ATP11C: variants seen among roughly 807,000 people sequenced by gnomAD.
ATP11C encodes the protein ATPase phospholipid transporting 11C (ATP11C blood group).
Under a neutral mutation model 97.4 loss-of-function variants are expected in ATP11C, and 36 were observed. The observed-to-expected ratio is 0.37, with a 90% CI of 0.28 to 0.49. The LOEUF is 0.49. Among genes scored for constraint, ATP11C ranks in the 20% least tolerant of loss-of-function variants. ATP11C has a pLI of 0.98. For missense variants in ATP11C, 730 were observed against 824.6 expected, an observed-to-expected ratio of 0.89 and a Z score of 1.40; for synonymous variants, 275 against 290.9, an observed-to-expected ratio of 0.95 and a Z score of 0.56.
intron 1 of ATP11C, among the ~76,000 whole-genome samples, chrX:139,851,059 G>A (rs2083981849): frequency 8.9e-6 from 1 of 111,995 alleles, no homozygotes; most frequent in Admixed American, 9.4e-5. Context: ...ACTAACAAAA[G>A]GAATCACCAA....
chrX:139,740,423 C>A (rs1485968952), intron 27 of ATP11C, among the ~76,000 whole-genome samples: 2 of 111,307 alleles, frequency 1.8e-5, no homozygotes, highest in South Asian at 7.5e-4. Flanking sequence ...CCAAGATGAA[C>A]TAAATGAACT....
chrX:139,880,113 C>T (rs1363758914), intron 1 of ATP11C, among the ~76,000 whole-genome samples: 1 of 110,478 alleles, frequency 9.1e-6, no homozygotes, highest in Non-Finnish European at 1.9e-5. Flanking sequence ...ATAGGCCATC[C>T]AGGGCAGAGA....
chrX:139,736,412 G>C (rs1485997624), intron 28 of ATP11C, among the ~76,000 whole-genome samples: 2 of 111,558 alleles, frequency 1.8e-5, no homozygotes, highest in Non-Finnish European at 1.9e-5. Flanking sequence ...TCAAATAAGA[G>C]ACACATTTAG....
chrX:139,787,135 G>C, intron 15 of ATP11C, 38 bp downstream of exon 15: 1 of 1,204,895 alleles, frequency 8.3e-7, no homozygotes, highest in African/African-American at 1.7e-5. Flanking sequence ...TGACTATGGG[G>C]TTAAGAAATG....
chrX:139,740,967 G>T, intron 27 of ATP11C, 24 bp downstream of exon 27: 1 of 989,314 alleles, frequency 1.0e-6, no homozygotes, highest in Non-Finnish European at 1.4e-6. Context: ...TTTACATATT[G>T]CTCACACATG....
intron 1 of ATP11C, among the ~76,000 whole-genome samples, chrX:139,837,306 G>A (rs2083764532): frequency 8.9e-6 from 1 of 112,020 alleles, no homozygotes; most frequent in Non-Finnish European, 1.9e-5. Flanking sequence ...ATTAAAAAAT[G>A]CCTAGGAAGC....
At chrX:139,935,577 C>A (rs1346298215), upstream of ATP11C, among the ~76,000 whole-genome samples, 1 of 110,061 alleles carries the variant, frequency 9.1e-6, no homozygotes, top group African/African-American at 3.3e-5. Flanking sequence ...ATCCCCACCC[C>A]CCAAAAAAGA....
intron 1 of ATP11C, among the ~76,000 whole-genome samples, chrX:139,859,215 G>C (rs1270357448): frequency 5.4e-5 from 6 of 111,738 alleles, no homozygotes; most frequent in Admixed American, 9.5e-5. Context: ...ATAGGCAGGA[G>C]GGATGGCTCT....
chrX:139,757,714 C>T, intron 23 of ATP11C, 94 bp downstream of exon 23: 1 of 576,257 alleles, frequency 1.7e-6, no homozygotes, highest in Admixed American at 4.3e-5. Flanking sequence ...TTACTTTGTA[C>T]ATACATCTCT....
rs927137966 is a variant in ATP11C, at chrX:139,922,198, G to GTC, written c.27+9816_27+9817dup. 1.5e-4 allele frequency among the ~76,000 whole-genome samples: 12 copies of GTC among 79,665 alleles called. 1 individual carries two copies. The highest frequency in any genetic ancestry group is 3.9e-4 in the East Asian group (1 of 2,589). The allele number at this position is 79,665 out of a possible 115,157, so 69.2% of individuals were successfully genotyped here. ...CCAGCCTGGGCAACAGAGCAAGACTGTCTCTCTCTCTCTCTCCTTCTCTAA... is the reference window on the plus strand; with the variant it reads ...CCAGCCTGGGCAACAGAGCAAGACTGTCTCTCTCTCTCTCTCTCCTTCTCTAA... On this transcript the variant is annotated intron_variant, in intron 1 of 29. Transcript: ENST00000682941.
chrX:139,762,027 C>G lies in ATP11C; in HGVS notation c.2574G>C (p.Leu858=). 1 of 1,205,944 alleles carries G rather than the reference C, an allele frequency of 8.3e-7. No individual in the cohort carries two copies. Among genetic ancestry groups the G allele is most frequent in the Non-Finnish European group, 1.1e-6 (1 of 890,505 alleles). ...AATATAGATGTCCATGAGCCAACAG[C>G]AGTTTCTTTAAGTGTTTAAACTTTG... ...SVPKFKHLKK[L]LLAHGHLYYV... is the part of the protein sequence containing the mutation. Residue 858 remains leucine (L), a synonymous_variant, in exon 22 of 30, where the codon CTG becomes CTC. Coordinates refer to ENST00000682941, the MANE Select transcript of ATP11C (RefSeq NM_001353812.2).
At chrX:139,736,319 A>G (rs1012431825) in intron 28 of ATP11C, among the ~76,000 whole-genome samples, 1 of 111,787 alleles carries the variant, frequency 8.9e-6, no homozygotes, top group Non-Finnish European at 1.9e-5. Context: ...ACATGTTTGA[A>G]AGTTTTGTTT....
At chrX:139,862,004 TAC>T (rs2084207757) in intron 1 of ATP11C, among the ~76,000 whole-genome samples, 1 of 111,969 alleles carries the variant, frequency 8.9e-6, no homozygotes, top group Non-Finnish European at 1.9e-5. Context: ...GAAGGAATGC[TAC>T]ACAGAGTAGC....
intron 15 of ATP11C, 145 bp downstream of exon 15, chrX:139,787,028 C>T: frequency 2.3e-6 from 2 of 853,324 alleles, no homozygotes; most frequent in South Asian, 5.3e-5. Context: ...GCTTCTACCC[C>T]AACTATATTT....
Position 139,796,432 on chromosome X carries a change from A to G in ATP11C, c.1047T>C (p.Val349=). 3 of 1,202,142 alleles carry G rather than the reference A, an allele frequency of 2.5e-6. No individual in the cohort carries two copies. Among genetic ancestry groups the G allele is most frequent in the Admixed American group, 4.4e-5 (2 of 45,535 alleles). Reference sequence around the variant, plus strand: ...AGACAGGAATGATAAAGTTGAATAGAACCATAAATGATAGGAAGTCGGTGA... The same window carrying G: ...AGACAGGAATGATAAAGTTGAATAGGACCATAAATGATAGGAAGTCGGTGA... The part of the protein sequence containing the change: ...KMFTDFLSFM[V]LFNFIIPVSM... Residue 349 remains valine, a synonymous_variant, in exon 12 of 30, where the codon GTT becomes GTC. Transcript: ENST00000682941.
At chrX:139,809,318 T>C (rs1373631807) in intron 5 of ATP11C, among the ~76,000 whole-genome samples, 1 of 111,807 alleles carries the variant, frequency 8.9e-6, no homozygotes, top group Non-Finnish European at 1.9e-5. Flanking sequence ...ATACATAAAT[T>C]GGAATATTAT....
At chrX:139,761,905 A>C (rs1425853124) in intron 22 of ATP11C, 56 bp downstream of exon 22, 2 of 910,273 alleles carry the variant, frequency 2.2e-6, no homozygotes, top group African/African-American at 4.0e-5. Flanking sequence ...ACCATGACCA[A>C]GCTGAGCCAA....
At chrX:139,843,492 T>C (rs2083864705) in intron 1 of ATP11C, among the ~76,000 whole-genome samples, 1 of 112,037 alleles carries the variant, frequency 8.9e-6, no homozygotes, top group African/African-American at 3.2e-5. Flanking sequence ...CTCATGAATA[T>C]CTTCTGATGG....
intron 1 of ATP11C, among the ~76,000 whole-genome samples, chrX:139,840,120 T>C (rs1029876235): frequency 3.6e-5 from 4 of 111,800 alleles, no homozygotes; most frequent in Admixed American, 9.5e-5. Flanking sequence ...CTCAATTCAG[T>C]TTCTCAAAAA....
Sources: allele counts gnomAD v4.1 joint callset (sites outside exome capture counted in the v4.1 genomes callset), GRCh38; gene constraint gnomAD v4.1.1; transcripts MANE v1.5; gene names NCBI Gene and HGNC (gene_info 2026-07-23, HGNC 2026-07-21).